NSUN3: variants seen among roughly 807,000 people sequenced by gnomAD.
The protein encoded by NSUN3 is NOP2/Sun RNA methyltransferase 3, also known as tRNA (cytosine(34)-C(5))-methyltransferase, mitochondrial.
Under a neutral mutation model 36.8 loss-of-function variants are expected in NSUN3, and 24 were observed. The observed-to-expected ratio is 0.65, with a 90% CI of 0.47 to 0.92. NSUN3 has a LOEUF of 0.92. NSUN3 is among the 40% of genes least tolerant of loss of function. The pLI is 0.00. For missense variants in NSUN3, 381 were observed against 392.8 expected, an observed-to-expected ratio of 0.97 and a Z score of 0.25; for synonymous variants, 146 against 145.2, an observed-to-expected ratio of 1.01 and a Z score of -0.04.
At chr3:94,114,978 T>C (rs1297561364) in intron 5 of NSUN3, among the ~76,000 whole-genome samples, 1 of 152,164 alleles carries the variant, frequency 6.6e-6, no homozygotes, top group Non-Finnish European at 1.5e-5. Context: ...CTATTCTAGT[T>C]TAAAGAAAGT....
intron 5 of NSUN3, among the ~76,000 whole-genome samples, chr3:94,095,913 A>ATTTTTTTTTTTTTTTTT (rs60524751): frequency 8.0e-6 from 1 of 124,530 alleles, no homozygotes; most frequent in Non-Finnish European, 1.7e-5. Context: ...AGCCTAGCTA[A>ATTTTTTTTTTTTTTTTT]TTTTTTTTTT....
At chr3:94,077,178 G>T in intron 2 of NSUN3, 1 of 703,394 alleles carries the variant, frequency 1.4e-6, no homozygotes, top group Non-Finnish European at 2.6e-6. Flanking sequence ...CAGTCATGGA[G>T]GCCAGGCGAG....
intron 3 of NSUN3, among the ~76,000 whole-genome samples, chr3:94,087,446 A>T (rs1191551847): frequency 6.6e-6 from 1 of 152,222 alleles, no homozygotes; most frequent in East Asian, 1.9e-4. Context: ...CTGTTGGTTC[A>T]GCTGCTCTCA....
At chr3:94,109,181 C>G (rs2077405212) in intron 5 of NSUN3, among the ~76,000 whole-genome samples, 1 of 152,132 alleles carries the variant, frequency 6.6e-6, no homozygotes, top group African/African-American at 2.4e-5. Flanking sequence ...TTTTTATTCA[C>G]TTTTTTTCTA....
chr3:94,123,481 T>C (rs1229216356), intron 5 of NSUN3, among the ~76,000 whole-genome samples: 2 of 152,198 alleles, frequency 1.3e-5, no homozygotes, highest in Non-Finnish European at 2.9e-5. Flanking sequence ...CCTGGGCTCG[T>C]AATAGGTGAC....
In NSUN3 at chr3:94,126,298, T is replaced by C. The variant is rs774880945; in HGVS notation, c.831T>C (p.Ser277=). Residue 277 remains serine, a synonymous_variant, in exon 6 of 6, where the codon AGT becomes AGC. Transcript: ENST00000314622. The stretch of plus-strand genomic sequence containing the variant: ...AGGCAGAAAATCAAGATGTGATCAG[T>C]GAAATTTTAAACTCCCACGGTAACA... ...LSKAENQDVI[S]EILNSHGNIM... 6.2e-7 allele frequency: 1 copy of C among 1,614,108 alleles called. No individual in the cohort carries two copies. Among genetic ancestry groups the C allele is most frequent in the Non-Finnish European group, 8.5e-7 (1 of 1,179,990 alleles).
At chr3:94,083,050 G>T (rs1044493249) in intron 2 of NSUN3, among the ~76,000 whole-genome samples, 2 of 151,392 alleles carry the variant, frequency 1.3e-5, no homozygotes, top group Admixed American at 1.3e-4. Flanking sequence ...ACTTCCTTGT[G>T]CAAAGAGTGA....
At chr3:94,076,782 G>C (rs111426797) in intron 2 of NSUN3, 6 of 1,551,568 alleles carry the variant, frequency 3.9e-6, no homozygotes, top group Non-Finnish European at 5.3e-6. Context: ...GGCATATAAC[G>C]GGCCCTGTTT....
intron 5 of NSUN3, among the ~76,000 whole-genome samples, chr3:94,108,534 A>G (rs1428661057): frequency 1.3e-5 from 2 of 151,256 alleles, no homozygotes; most frequent in Non-Finnish European, 2.9e-5. Context: ...CTGTTTTTGT[A>G]CTTTTAGTAG....
intron 3 of NSUN3, among the ~76,000 whole-genome samples, chr3:94,090,235 A>C (rs2077308896): frequency 6.6e-6 from 1 of 152,160 alleles, no homozygotes; most frequent in African/African-American, 2.4e-5. Flanking sequence ...GTTTTTGACA[A>C]TTTAAGCACA....
chr3:94,079,683 C>G lies in NSUN3; in HGVS notation c.123-4424C>G, dbSNP rs183531706. Reference sequence around the variant, plus strand: ...CACTTTATTTCATTAAATTGATCTTCAGTCTCTCATATCTTTTCTTCTGCT... The same window carrying G: ...CACTTTATTTCATTAAATTGATCTTGAGTCTCTCATATCTTTTCTTCTGCT... On this transcript the variant is annotated intron_variant, in intron 2 of 5. Coordinates refer to ENST00000314622, the MANE Select transcript of NSUN3 (RefSeq NM_022072.5). Among the ~76,000 whole-genome samples, 9 of 152,086 alleles carry G rather than the reference C, an allele frequency of 5.9e-5. No individual in the cohort carries two copies. The East Asian group carries it at 1.7e-3, about 29-fold the overall frequency.
chr3:94,096,391 G>C (rs1206410198), intron 5 of NSUN3, among the ~76,000 whole-genome samples: 1 of 152,006 alleles, frequency 6.6e-6, no homozygotes, highest in Non-Finnish European at 1.5e-5. Context: ...TTATACCACC[G>C]TTCCCTTTTA....
chr3:94,077,008 G>T (rs1271647858), intron 2 of NSUN3: 22 of 884,818 alleles, frequency 2.5e-5, no homozygotes, highest in Non-Finnish European at 4.1e-5. Flanking sequence ...TTTCCCTTCT[G>T]GTCTGGTTAC....
chr3:94,084,519 A>G, intron 3 of NSUN3, 69 bp downstream of exon 3: 1 of 1,192,362 alleles, frequency 8.4e-7, no homozygotes, highest in South Asian at 1.5e-5. Flanking sequence ...TTCTGAAAGT[A>G]TATATGGGGA....
chr3:94,088,784 T>A (rs984978600), intron 3 of NSUN3, among the ~76,000 whole-genome samples: 2 of 151,608 alleles, frequency 1.3e-5, no homozygotes, highest in East Asian at 3.9e-4. Flanking sequence ...GCAATTCTCA[T>A]GCCTCAACCT....
At chr3:94,120,993 G>A (rs930432455) in intron 5 of NSUN3, among the ~76,000 whole-genome samples, 1 of 152,146 alleles carries the variant, frequency 6.6e-6, no homozygotes, top group African/African-American at 2.4e-5. Context: ...ACCTTAGTGT[G>A]TTGCTGTAAA....
At chr3:94,092,357 C>A (rs2077318775) in intron 3 of NSUN3, among the ~76,000 whole-genome samples, 1 of 152,108 alleles carries the variant, frequency 6.6e-6, no homozygotes, top group Admixed American at 6.6e-5. Context: ...GATTTACTTC[C>A]TTTTTTCTCT....
chr3:94,115,250 G>A lies in NSUN3; in HGVS notation c.744-10961G>A, dbSNP rs757872305. On this transcript the variant is annotated intron_variant, in intron 5 of 5. Transcript: ENST00000314622. ...GTTACAATGGACCAACTGCAGGATC[G>A]ATGTTCCTATGCTTATTTTAAATTT... is the stretch of plus-strand genomic sequence containing the variant. 7.9e-5 allele frequency among the ~76,000 whole-genome samples: 12 copies of A among 152,110 alleles called. No individual in the cohort carries two copies. In the South Asian group the frequency reaches 8.3e-4, roughly 10 times the overall value.
chr3:94,103,238 A>G (rs182672016), intron 5 of NSUN3, among the ~76,000 whole-genome samples: 25 of 152,130 alleles, frequency 1.6e-4, no homozygotes, highest in Non-Finnish European at 2.8e-4. Flanking sequence ...CAGATTTTAA[A>G]ATATGGAAAT....
Sources: gnomAD v4.1 joint callset for allele counts (sites outside exome capture counted in the v4.1 genomes callset) on GRCh38, gnomAD v4.1.1 for gene constraint, MANE v1.5 for transcripts, NCBI Gene and HGNC (gene_info 2026-07-23, HGNC 2026-07-21) for gene names.